CHRM3: variants seen among roughly 807,000 people sequenced by gnomAD.
CHRM3 encodes cholinergic receptor muscarinic 3, also known as muscarinic acetylcholine receptor M3.
In CHRM3, 11 loss-of-function variants were observed where a neutral mutation model predicts 41.8. That is an observed-to-expected ratio of 0.26 (90% CI 0.17 to 0.44). CHRM3 has a LOEUF of 0.44. Among genes scored for constraint, CHRM3 ranks in the 20% least tolerant of loss-of-function variants. The pLI is 1.00. For missense variants in CHRM3, 571 were observed against 745.4 expected, an observed-to-expected ratio of 0.77 and a Z score of 2.72; for synonymous variants, 297 against 301.4, an observed-to-expected ratio of 0.99 and a Z score of 0.15.
Position 239,556,662 on chromosome 1 carries a change from AT to A in CHRM3, c.-313+10915del, listed in dbSNP as rs539449142. On this transcript the variant is annotated intron_variant, in intron 3 of 6. Coordinates refer to ENST00000676153, the MANE Select transcript of CHRM3 (RefSeq NM_001375978.1). ...AAGCCTGTTAAAGTACATTAGACAG[AT>A]TATTGTAATGACAGGGGCCTCCTCA... is the stretch of plus-strand genomic sequence containing the variant. 3.5e-3 allele frequency among the ~76,000 whole-genome samples: 535 copies of A among 152,332 alleles called. 2 individuals carry two copies. Among genetic ancestry groups the A allele is most frequent in the African/African-American group, 0.013 (523 of 41,576 alleles).
chr1:239,461,063 C>T (rs1180314710), intron 1 of CHRM3, among the ~76,000 whole-genome samples: 1 of 152,118 alleles, frequency 6.6e-6, no homozygotes, highest in Admixed American at 6.6e-5. Flanking sequence ...TAAGAGCCAA[C>T]ATGACGGGGT....
chr1:239,593,691 T>C (rs538538158), intron 3 of CHRM3, among the ~76,000 whole-genome samples: 1 of 152,274 alleles, frequency 6.6e-6, no homozygotes, highest in South Asian at 2.1e-4. Context: ...TTAAACAAAA[T>C]ATCCACTGAT....
At chr1:239,601,466 A>C (rs1331933343) in intron 3 of CHRM3, among the ~76,000 whole-genome samples, 1 of 152,148 alleles carries the variant, frequency 6.6e-6, no homozygotes, top group Non-Finnish European at 1.5e-5. Flanking sequence ...ATAAATGGGA[A>C]TGAGGTTAGA....
chr1:239,438,767 A>C (rs890649563), intron 1 of CHRM3, among the ~76,000 whole-genome samples: 1 of 152,200 alleles, frequency 6.6e-6, no homozygotes, highest in East Asian at 1.9e-4. Flanking sequence ...GTGTGCATCT[A>C]AAAAGAAGGT....
intron 2 of CHRM3, among the ~76,000 whole-genome samples, chr1:239,544,475 A>G (rs1659095716): frequency 6.6e-6 from 1 of 152,076 alleles, no homozygotes; most frequent in African/African-American, 2.4e-5. Flanking sequence ...CTAGTGTGTA[A>G]TTTTTGGAAT....
At chr1:239,864,194 C>A (rs149989313) in intron 6 of CHRM3, among the ~76,000 whole-genome samples, 5 of 152,072 alleles carry the variant, frequency 3.3e-5, no homozygotes, top group Middle Eastern at 3.4e-3. Context: ...CCTGCCCCCC[C>A]ACCAAAAAAA....
intron 1 of CHRM3, among the ~76,000 whole-genome samples, chr1:239,445,999 G>A (rs901920243): frequency 4.6e-5 from 7 of 151,678 alleles, no homozygotes; most frequent in East Asian, 3.9e-4. Context: ...GTGCAGTCAC[G>A]CAATCTCGGC....
At chr1:239,874,295 A>ATATATATATATCTATATACACAGTG (rs1553291886) in intron 6 of CHRM3, among the ~76,000 whole-genome samples, 4 of 73,162 alleles carry the variant, frequency 5.5e-5, no homozygotes, top group South Asian at 8.8e-4. Context: ...GTATATATAT[A>ATATATATATATCTATATACACAGTG]TATATATATA....
chr1:239,751,445 T>A (rs1665817556), intron 5 of CHRM3, among the ~76,000 whole-genome samples: 1 of 152,160 alleles, frequency 6.6e-6, no homozygotes, highest in Non-Finnish European at 1.5e-5. Context: ...TTTCTATAAT[T>A]TAGTTTTTGC....
At chr1:239,608,415 A>C (rs1292840831) in intron 3 of CHRM3, among the ~76,000 whole-genome samples, 1 of 152,176 alleles carries the variant, frequency 6.6e-6, no homozygotes, top group Admixed American at 6.5e-5. Context: ...GGTTTTAATA[A>C]ATTAGAATTT....
At chr1:239,519,348 G>A (rs1027748298) in intron 2 of CHRM3, among the ~76,000 whole-genome samples, 1 of 152,128 alleles carries the variant, frequency 6.6e-6, no homozygotes, top group South Asian at 2.1e-4. Context: ...ATTACATATT[G>A]TAGTTGAAAT....
At chr1:239,662,860 T>A (rs1673341564) in intron 4 of CHRM3, among the ~76,000 whole-genome samples, 1 of 129,678 alleles carries the variant, frequency 7.7e-6, no homozygotes, top group African/African-American at 3.2e-5. Flanking sequence ...TTCCTTCTCC[T>A]TCTCCTTTCT....
intron 4 of CHRM3, among the ~76,000 whole-genome samples, chr1:239,645,202 C>T (rs896657259): frequency 7.2e-5 from 11 of 152,350 alleles, no homozygotes; most frequent in South Asian, 2.1e-4. Context: ...GCACCAGATG[C>T]GCTCAGCTAT....
chr1:239,407,277 C>A (rs576510850), intron 1 of CHRM3, among the ~76,000 whole-genome samples: 1 of 151,990 alleles, frequency 6.6e-6, no homozygotes, highest in African/African-American at 2.4e-5. Flanking sequence ...CATCATTCAC[C>A]ATCTTCTGAA....
chr1:239,881,859 G>C (rs748619030), intron 6 of CHRM3, among the ~76,000 whole-genome samples: 1 of 151,900 alleles, frequency 6.6e-6, no homozygotes, highest in Non-Finnish European at 1.5e-5. Flanking sequence ...GATATATAGA[G>C]TTCTACAGAT....
intron 3 of CHRM3, among the ~76,000 whole-genome samples, chr1:239,580,023 T>C (rs1662721417): frequency 6.6e-6 from 1 of 152,118 alleles, no homozygotes; most frequent in Admixed American, 6.6e-5. Flanking sequence ...CCAGACTGCC[T>C]CTTCCTTAGC....
intron 6 of CHRM3, among the ~76,000 whole-genome samples, chr1:239,892,832 A>G (rs1020343632): frequency 1.3e-5 from 2 of 152,222 alleles, no homozygotes; most frequent in Non-Finnish European, 2.9e-5. Context: ...CAACATCTGA[A>G]TCCTGGACAG....
chr1:239,389,687 C>A (rs1214988471), intron 1 of CHRM3, among the ~76,000 whole-genome samples: 1 of 152,138 alleles, frequency 6.6e-6, no homozygotes, highest in Admixed American at 6.5e-5. Flanking sequence ...AGCAAAGTTG[C>A]CTTATGTATT....
intron 1 of CHRM3, among the ~76,000 whole-genome samples, chr1:239,437,640 G>T (rs748423405): frequency 6.6e-6 from 1 of 152,032 alleles, no homozygotes; most frequent in Non-Finnish European, 1.5e-5. Context: ...GAGTTCAAGC[G>T]ATTCTCCTAT....
Sources: gnomAD v4.1 joint callset for allele counts (sites outside exome capture counted in the v4.1 genomes callset) on GRCh38, gnomAD v4.1.1 for gene constraint, MANE v1.5 for transcripts, NCBI Gene and HGNC (gene_info 2026-07-23, HGNC 2026-07-21) for gene names.